The following ALMS1 variants were observed in gnomAD, a reference collection of about 807,000 sequenced individuals.
ALMS1 encodes ALMS1 centrosome and basal body associated protein.
In ALMS1, 271 loss-of-function variants were observed where a neutral mutation model predicts 352.2. That is an observed-to-expected ratio of 0.77 (90% CI 0.70 to 0.85). The LOEUF is 0.85. Among genes scored for constraint, ALMS1 ranks in the 40% least tolerant of loss-of-function variants. The pLI, the probability that ALMS1 is intolerant of heterozygous loss-of-function variation, is 0.00. For synonymous variants in ALMS1, 1,865 were observed against 1,761.2 expected (o/e 1.06, Z -1.48); for missense variants, 5,445 against 4,870.7 (o/e 1.12, Z -3.51).
At chr2:73,403,452 A>G (rs140735140) in intron 1 of ALMS1, among the ~76,000 whole-genome samples, 5 of 152,282 alleles carry the variant, frequency 3.3e-5, no homozygotes, top group Non-Finnish European at 7.4e-5. Flanking sequence ...TATAATTTGA[A>G]ACCAGGAAGT....
At chr2:73,399,371 T>C (rs1670826763) in intron 1 of ALMS1, among the ~76,000 whole-genome samples, 1 of 152,130 alleles carries the variant, frequency 6.6e-6, no homozygotes, top group African/African-American at 2.4e-5. Context: ...GAAGTTTAAT[T>C]GGCTCATGGT....
intron 13 of ALMS1, among the ~76,000 whole-genome samples, chr2:73,553,747 T>C (rs1213549416): frequency 6.6e-6 from 1 of 152,146 alleles, no homozygotes; most frequent in African/African-American, 2.4e-5. Context: ...TGAATGTTAA[T>C]ATAGGGCTAA....
At chr2:73,588,282 C>G (rs1008997907) in intron 16 of ALMS1, among the ~76,000 whole-genome samples, 1 of 152,114 alleles carries the variant, frequency 6.6e-6, no homozygotes, top group Non-Finnish European at 1.5e-5. Flanking sequence ...TCTCTGCAGT[C>G]CAGGCCCTCT....
chr2:73,528,699 G>T (rs1372741788), intron 11 of ALMS1, among the ~76,000 whole-genome samples: 1 of 151,996 alleles, frequency 6.6e-6, no homozygotes, highest in South Asian at 2.1e-4. Context: ...TATGTCTTTG[G>T]ATAGGAGGAT....
intron 1 of ALMS1, among the ~76,000 whole-genome samples, chr2:73,399,766 T>C (rs1196485149): frequency 6.6e-6 from 1 of 152,104 alleles, no homozygotes; most frequent in South Asian, 2.1e-4. Flanking sequence ...AGGTATGATA[T>C]TAGTTGTAGG....
At chr2:73,440,482 TTCTC>T (rs373545155) in intron 7 of ALMS1, among the ~76,000 whole-genome samples, 1 of 151,942 alleles carries the variant, frequency 6.6e-6, no homozygotes, top group South Asian at 2.1e-4. Context: ...TGCTGTCTCT[TTCTC>T]TCTCTCGGCT....
At chr2:73,392,594 A>G (rs1670673350) in intron 1 of ALMS1, among the ~76,000 whole-genome samples, 1 of 152,154 alleles carries the variant, frequency 6.6e-6, no homozygotes, top group African/African-American at 2.4e-5. Flanking sequence ...ATATAAATGG[A>G]ATGATATGTG....
chr2:73,573,773 T>C (rs1052017238), intron 16 of ALMS1, among the ~76,000 whole-genome samples: 1 of 152,062 alleles, frequency 6.6e-6, no homozygotes. Flanking sequence ...TTTTAATTCA[T>C]TCCTCTCTGT....
At chr2:73,582,164 G>A (rs1332381420) in intron 16 of ALMS1, among the ~76,000 whole-genome samples, 1 of 152,096 alleles carries the variant, frequency 6.6e-6, no homozygotes, top group African/African-American at 2.4e-5. Flanking sequence ...CTTTACTCAA[G>A]TGTTAGTAAC....
intron 22 of ALMS1, 116 bp downstream of exon 22, chr2:73,608,690 A>G: frequency 1.2e-6 from 1 of 817,372 alleles, no homozygotes; most frequent in East Asian, 2.7e-5. Flanking sequence ...TTGAGGAATG[A>G]ACTTAGAATG....
At chr2:73,519,440 T>A (rs185313071) in intron 10 of ALMS1, among the ~76,000 whole-genome samples, 1 of 152,320 alleles carries the variant, frequency 6.6e-6, no homozygotes, top group East Asian at 1.9e-4. Flanking sequence ...TGTGTGTATT[T>A]AGCACAGTCC....
intron 2 of ALMS1, among the ~76,000 whole-genome samples, chr2:73,416,136 G>A (rs1166123030): frequency 1.3e-5 from 2 of 152,184 alleles, no homozygotes; most frequent in Non-Finnish European, 2.9e-5. Flanking sequence ...TTTTGCTTTA[G>A]TGAGTCACAA....
chr2:73,592,971 T>C (rs900065906), intron 16 of ALMS1, among the ~76,000 whole-genome samples: 2 of 152,102 alleles, frequency 1.3e-5, no homozygotes, highest in African/African-American at 2.4e-5. Flanking sequence ...CCTTCCAAGA[T>C]TGTGTACAAG....
At chr2:73,572,189 A>C in intron 15 of ALMS1, 73 bp from the exon 16 acceptor site, 1 of 1,281,924 alleles carries the variant, frequency 7.8e-7, no homozygotes, top group Non-Finnish European at 1.1e-6. Context: ...GTATCTAAAG[A>C]ATTGTGAATA....
chr2:73,423,017 C>A, intron 4 of ALMS1, 43 bp downstream of exon 4: 2 of 1,519,944 alleles, frequency 1.3e-6, no homozygotes, highest in East Asian at 2.3e-5. Flanking sequence ...ACTTCTTGTT[C>A]TATGTTTTTA....
intron 10 of ALMS1, among the ~76,000 whole-genome samples, chr2:73,495,082 T>A (rs996045147): frequency 5.7e-4 from 87 of 152,210 alleles, no homozygotes; most frequent in Non-Finnish European, 6.0e-4. Context: ...TATTTCATTA[T>A]TTGGATTATA....
chr2:73,408,531 TG>T, intron 1 of ALMS1, 90 bp from the exon 2 acceptor site: 1 of 1,408,238 alleles, frequency 7.1e-7, no homozygotes, highest in Non-Finnish European at 9.8e-7. Flanking sequence ...CTTTATAAAC[TG>T]GGAAGTATGG....
At chr2:73,505,774 G>C (rs188065973) in intron 10 of ALMS1, among the ~76,000 whole-genome samples, 1 of 152,082 alleles carries the variant, frequency 6.6e-6, no homozygotes, top group Admixed American at 6.5e-5. Flanking sequence ...TTCTTTTGCT[G>C]TGCAGAAGCT....
intron 9 of ALMS1, among the ~76,000 whole-genome samples, chr2:73,480,538 G>C (rs1287675185): frequency 6.6e-6 from 1 of 151,860 alleles, no homozygotes; most frequent in African/African-American, 2.4e-5. Flanking sequence ...ATAAACATAC[G>C]TGTGCATGTG....
Sources: gnomAD v4.1 joint callset for allele counts (sites outside exome capture counted in the v4.1 genomes callset) on GRCh38, gnomAD v4.1.1 for gene constraint, MANE v1.5 for transcripts, NCBI Gene and HGNC (gene_info 2026-07-23, HGNC 2026-07-21) for gene names.